The following SYN3 variants were observed in gnomAD, a reference collection of about 807,000 sequenced individuals.
The protein encoded by SYN3 is synapsin III, also known as synapsin-3.
A neutral mutation model predicts 65.8 loss-of-function variants in SYN3; 35 were observed. The observed-to-expected ratio is 0.53, with a 90% confidence interval of 0.41 to 0.70. SYN3 has a LOEUF of 0.70. Ranked by LOEUF, SYN3 falls within the 30% of genes least tolerant of loss-of-function variation. The pLI, the probability that SYN3 is intolerant of heterozygous loss-of-function variation, is 0.00. For missense variants in SYN3, 680 were observed against 749.0 expected, an observed-to-expected ratio of 0.91 and a Z score of 1.08; for synonymous variants, 270 against 292.9, an observed-to-expected ratio of 0.92 and a Z score of 0.80.
chr22:32,770,516 T>A (rs536216425), intron 6 of SYN3, among the ~76,000 whole-genome samples: 1 of 152,268 alleles, frequency 6.6e-6, no homozygotes, highest in African/African-American at 2.4e-5. Context: ...CACCCCGAGT[T>A]TGCTACCACC....
intron 6 of SYN3, among the ~76,000 whole-genome samples, chr22:32,698,432 C>T (rs1020819115): frequency 3.9e-5 from 6 of 152,192 alleles, no homozygotes; most frequent in Non-Finnish European, 8.8e-5. Flanking sequence ...CTGTTCATCT[C>T]CCATAAAATC....
chr22:32,887,890 G>A (rs1472597140), intron 4 of SYN3, among the ~76,000 whole-genome samples: 4 of 152,048 alleles, frequency 2.6e-5, no homozygotes, highest in South Asian at 2.1e-4. Flanking sequence ...TGGCTCATAC[G>A]GTGCCTATAT....
intron 4 of SYN3, among the ~76,000 whole-genome samples, chr22:32,920,183 T>C (rs1024303692): frequency 1.8e-4 from 27 of 152,364 alleles, no homozygotes; most frequent in South Asian, 4.1e-4. Flanking sequence ...TATAATTTAG[T>C]GTTGCCTAAT....
rs71187204 is a variant in SYN3, at chr22:32,652,379, G to GTT, written c.712-55645_712-55644dup. 2.8e-3 allele frequency among the ~76,000 whole-genome samples: 382 copies of GTT among 138,858 alleles called. 3 individuals are homozygous for GTT. Among genetic ancestry groups the GTT allele is most frequent in the African/African-American group, 8.4e-3 (317 of 37,800 alleles). 91.1% of individuals were successfully genotyped at this position (138,858 alleles called of 152,430 possible). On this transcript the variant is annotated intron_variant, in intron 6 of 13. Coordinates refer to ENST00000358763, the MANE Select transcript of SYN3 (RefSeq NM_003490.4). ...TCCCACACCTAAGTCTGCGATGCAA[G>GTT]TTTTTTTTTTTTTGGAAAAAAAAAA... is the stretch of plus-strand genomic sequence containing the variant.
intron 6 of SYN3, among the ~76,000 whole-genome samples, chr22:32,693,020 G>C (rs1315959346): frequency 2.0e-5 from 3 of 151,948 alleles, no homozygotes; most frequent in African/African-American, 2.4e-5. Context: ...TTATCTGAGG[G>C]GGATACATTT....
chr22:32,842,160 A>G (rs906404789), intron 6 of SYN3, among the ~76,000 whole-genome samples: 2 of 152,218 alleles, frequency 1.3e-5, no homozygotes, highest in African/African-American at 4.8e-5. Context: ...GAAACAGGGC[A>G]GCGACTTCAC....
At chr22:32,539,868 C>A (rs1601595063) in intron 8 of SYN3, among the ~76,000 whole-genome samples, 1 of 151,582 alleles carries the variant, frequency 6.6e-6, no homozygotes, top group East Asian at 1.9e-4. Flanking sequence ...GAAATGATAT[C>A]ATGGCTGAAG....
rs1167728285 is a variant in SYN3, at chr22:32,538,053, C to G, written c.975G>C (p.Gln325His). 6.2e-7 allele frequency: 1 copy of G among 1,614,200 alleles called. No homozygotes were observed. The highest frequency in any genetic ancestry group is 8.5e-7 in the Non-Finnish European group (1 of 1,180,020). The change falls in exon 9 of 14, where the codon CAG becomes CAC. Residue 325 changes from glutamine (Q) to histidine (H), a missense_variant. Transcript: ENST00000358763. Reference protein sequence around the residue: ...KANTGSAMLEQVAMTERYRLW... With the variant: ...KANTGSAMLEHVAMTERYRLW... Reference sequence around the variant, plus strand: ...TCTCTTACCTCTCTGTCATGGCCACCTGCTCCAGCATGGCAGAGCCTGTGT... The same window carrying G: ...TCTCTTACCTCTCTGTCATGGCCACGTGCTCCAGCATGGCAGAGCCTGTGT...
In SYN3 at chr22:32,785,988, C is replaced by T. The variant is rs568870765; in HGVS notation, c.711+78927G>A. Among the ~76,000 whole-genome samples, 12 of 133,436 alleles carry T rather than the reference C, an allele frequency of 9.0e-5. No individual in the cohort carries two copies. The South Asian group carries it at 2.6e-3, about 29-fold the overall frequency. 87.5% of individuals were successfully genotyped at this position (133,436 alleles called of 152,430 possible). A position where few individuals can be genotyped will look rare whatever the true frequency, so the allele number is the denominator to read the frequency against. Reference sequence around the variant, plus strand: ...AAGGAGAAATCCAAGGAATTCAAACCACTTCAAAGAAGAAGAAGAAGAAGA... The same window carrying T: ...AAGGAGAAATCCAAGGAATTCAAACTACTTCAAAGAAGAAGAAGAAGAAGA... On this transcript the variant is annotated intron_variant, in intron 6 of 13. Transcript: ENST00000358763.
chr22:32,831,514 G>C (rs183374573), intron 6 of SYN3, among the ~76,000 whole-genome samples: 50 of 152,252 alleles, frequency 3.3e-4, no homozygotes, highest in Non-Finnish European at 5.9e-4. Flanking sequence ...GTCGGAGTTG[G>C]GGGGCAGTAA....
At chr22:32,917,144 C>T (rs991943039) in intron 4 of SYN3, among the ~76,000 whole-genome samples, 2 of 152,152 alleles carry the variant, frequency 1.3e-5, no homozygotes, top group African/African-American at 4.8e-5. Flanking sequence ...CAAAAAGAGG[C>T]ATTATTTCCA....
At chr22:32,867,403 C>A (rs1014401141) in intron 5 of SYN3, among the ~76,000 whole-genome samples, 11 of 152,194 alleles carry the variant, frequency 7.2e-5, no homozygotes, top group Admixed American at 6.5e-4. Flanking sequence ...CTAGGACTTA[C>A]AACAGCACCT....
chr22:32,879,979 C>T (rs1225263459), intron 4 of SYN3, among the ~76,000 whole-genome samples: 1 of 152,152 alleles, frequency 6.6e-6, no homozygotes, highest in African/African-American at 2.4e-5. Context: ...TTCAGGTTCC[C>T]GATTGGTCAA....
chr22:32,964,935 A>T lies in SYN3; in HGVS notation c.369+15710T>A, dbSNP rs1020142430. On this transcript the variant is annotated intron_variant, in intron 3 of 13. Coordinates refer to ENST00000358763, the MANE Select transcript of SYN3 (RefSeq NM_003490.4). ...CAAAGGCAGATGGTAGTTTGACTCT[A>T]CAGTAACCAGCAGCATGACCCAAGC... 3.3e-5 allele frequency among the ~76,000 whole-genome samples: 5 copies of T among 152,158 alleles called. No homozygotes were observed. In the East Asian group the frequency reaches 7.7e-4, roughly 23 times the overall value.
In SYN3 at chr22:32,508,629, T is replaced by C. The variant is rs117588646; in HGVS notation, c.*5063A>G. ...GATCTTCTTCCGCTTCTTTTCTCTA[T>C]CTCATTTTACTGGGTTTTGGTTTGT... On this transcript the variant is annotated 3_prime_UTR_variant, in exon 14 of 14. Transcript: ENST00000358763. Among the ~76,000 whole-genome samples, 47 of 152,330 alleles carry C rather than the reference T, an allele frequency of 3.1e-4. No homozygotes were observed. Among genetic ancestry groups the C allele is most frequent in the Middle Eastern group, 3.4e-3 (1 of 294 alleles).
chr22:32,867,959 C>G (rs1368076816), intron 5 of SYN3, among the ~76,000 whole-genome samples: 18 of 152,158 alleles, frequency 1.2e-4, no homozygotes, highest in Admixed American at 9.8e-4. Context: ...ATGACTGAAA[C>G]TAAGGAATAA....
chr22:32,977,146 C>G (rs1601825843), intron 3 of SYN3, among the ~76,000 whole-genome samples: 2 of 152,128 alleles, frequency 1.3e-5, no homozygotes, highest in South Asian at 4.2e-4. Flanking sequence ...CACCTTCTGG[C>G]TTTCATAGAG....
At chr22:32,513,907 A>G in intron 13 of SYN3, 83 bp from the exon 14 acceptor site, 1 of 1,553,400 alleles carries the variant, frequency 6.4e-7, no homozygotes, top group Non-Finnish European at 8.8e-7. Flanking sequence ...CCTGTAAGCC[A>G]GATGGGCTAC....
intron 6 of SYN3, among the ~76,000 whole-genome samples, chr22:32,657,278 C>G (rs1054045329): frequency 1.3e-5 from 2 of 152,176 alleles, no homozygotes; most frequent in African/African-American, 4.8e-5. Flanking sequence ...CACCTGCCAC[C>G]TCACCCGGCT....
Sources: gnomAD v4.1 joint callset for allele counts (sites outside exome capture counted in the v4.1 genomes callset) on GRCh38, gnomAD v4.1.1 for gene constraint, MANE v1.5 for transcripts, NCBI Gene and HGNC (gene_info 2026-07-23, HGNC 2026-07-21) for gene names.